Variants in GPC6 observed in about 807,000 individuals in gnomAD.
GPC6 encodes glypican-6.
In GPC6, 14 loss-of-function variants were observed where a neutral mutation model predicts 55.2. The observed-to-expected ratio is 0.25, with a 90% confidence interval of 0.17 to 0.40. GPC6 has a LOEUF of 0.40. GPC6 is among the 10% of genes least tolerant of loss of function. The pLI is 1.00. For missense variants in GPC6, 641 were observed against 708.5 expected, an observed-to-expected ratio of 0.90 and a Z score of 1.08; for synonymous variants, 278 against 259.6, an observed-to-expected ratio of 1.07 and a Z score of -0.68.
intron 3 of GPC6, among the ~76,000 whole-genome samples, chr13:93,886,761 T>G (rs12869679): frequency 0.085 from 9,876 of 116,354 alleles, 348 homozygotes; most frequent in African/African-American, 0.1. Flanking sequence ...TTTTTTTTTG[T>G]TTTTTTTTTT....
chr13:94,352,711 A>G (rs747551812), intron 6 of GPC6, among the ~76,000 whole-genome samples: 6 of 152,152 alleles, frequency 3.9e-5, no homozygotes, highest in Non-Finnish European at 7.3e-5. Flanking sequence ...TGTCACCTGT[A>G]TATCAAGTAC....
chr13:93,735,330 C>A (rs183852332), intron 2 of GPC6, among the ~76,000 whole-genome samples: 7 of 151,912 alleles, frequency 4.6e-5, no homozygotes, highest in Non-Finnish European at 1.0e-4. Context: ...GTCAGGAGTT[C>A]GAGACCAGCC....
At chr13:93,776,601 A>G (rs1885477766) in intron 2 of GPC6, among the ~76,000 whole-genome samples, 1 of 152,150 alleles carries the variant, frequency 6.6e-6, no homozygotes, top group Admixed American at 6.6e-5. Flanking sequence ...TCAGAAAAAA[A>G]AAGAAAGAAA....
intron 6 of GPC6, among the ~76,000 whole-genome samples, chr13:94,313,678 AC>A (rs1389385352): frequency 6.6e-6 from 1 of 152,206 alleles, no homozygotes; most frequent in Non-Finnish European, 1.5e-5. Flanking sequence ...TGGAAGGGGA[AC>A]AATTTTGCAC....
intron 1 of GPC6, among the ~76,000 whole-genome samples, chr13:93,316,196 TGAACCTTGCTCTTTGA>T (rs908082285): frequency 6.6e-6 from 1 of 152,136 alleles, no homozygotes; most frequent in Non-Finnish European, 1.5e-5. Context: ...CTTCATTTGA[TGAACCTTGCTCTTTGA>T]GTGGAGAACT....
At chr13:93,612,673 A>T (rs1213132853) in intron 2 of GPC6, among the ~76,000 whole-genome samples, 1 of 152,208 alleles carries the variant, frequency 6.6e-6, no homozygotes, top group African/African-American at 2.4e-5. Flanking sequence ...GTAAATTAGG[A>T]AGTGCAAAAC....
chr13:93,475,871 T>C (rs1381841999), intron 1 of GPC6, among the ~76,000 whole-genome samples: 1 of 152,162 alleles, frequency 6.6e-6, no homozygotes, highest in Non-Finnish European at 1.5e-5. Context: ...AGAAAAAACA[T>C]TTGAACAAGC....
At chr13:93,289,942 T>C (rs1878264323) in intron 1 of GPC6, among the ~76,000 whole-genome samples, 1 of 152,182 alleles carries the variant, frequency 6.6e-6, no homozygotes, top group Non-Finnish European at 1.5e-5. Context: ...GCACATGGAC[T>C]CACAGAGTAA....
intron 4 of GPC6, among the ~76,000 whole-genome samples, chr13:94,201,193 G>A (rs950504509): frequency 4.6e-5 from 7 of 152,122 alleles, no homozygotes; most frequent in African/African-American, 1.2e-4. Flanking sequence ...CCTCTCACAG[G>A]GACAGAGATA....
At position 93,227,686 on chromosome 13, in the gene GPC6, G is replaced by C; in HGVS notation, c.160+70G>C. 3 of 1,261,672 alleles carry C rather than the reference G, an allele frequency of 2.4e-6. No individual in the cohort carries two copies. The highest frequency in any genetic ancestry group is 3.3e-6 in the Non-Finnish European group (3 of 903,426). 78.2% of individuals were successfully genotyped at this position (1,261,672 alleles called of 1,614,324 possible). A position where few individuals can be genotyped will look rare whatever the true frequency, so the allele number is the denominator to read the frequency against. The stretch of plus-strand genomic sequence containing the variant: ...CCGCACGTCCCACTGGCCGCCCGGC[G>C]TCCCCTTCCTTCCCCCTGTTGCTGA... On this transcript the variant is annotated intron_variant, in intron 1 of 8. Transcript: ENST00000377047. This position sits in a 1 kb window ranked among gnomAD's most constrained non-coding sequence, Gnocchi z 4.3.
intron 3 of GPC6, 50 bp downstream of exon 3, chr13:93,830,595 T>C: frequency 3.5e-6 from 5 of 1,421,238 alleles, no homozygotes; most frequent in Non-Finnish European, 4.8e-6. Flanking sequence ...GTTTATTCTG[T>C]TTTTAAAACC....
intron 1 of GPC6, among the ~76,000 whole-genome samples, chr13:93,508,136 G>A (rs1033342454): frequency 1.3e-5 from 2 of 152,162 alleles, no homozygotes; most frequent in African/African-American, 2.4e-5. Context: ...ACTAAGCAGG[G>A]TAAAGGGATA....
chr13:93,852,542 G>C (rs1040237572), intron 3 of GPC6, among the ~76,000 whole-genome samples: 5 of 151,636 alleles, frequency 3.3e-5, no homozygotes, highest in African/African-American at 1.2e-4. Context: ...AATACTACCA[G>C]CTTTTCCTAA....
intron 2 of GPC6, among the ~76,000 whole-genome samples, chr13:93,667,399 A>G (rs1405659038): frequency 6.6e-6 from 1 of 151,980 alleles, no homozygotes; most frequent in East Asian, 1.9e-4. Flanking sequence ...GCCTAATTAT[A>G]TAAAGGGTGG....
intron 1 of GPC6, among the ~76,000 whole-genome samples, chr13:93,285,321 A>G (rs1878073246): frequency 6.6e-6 from 1 of 152,186 alleles, no homozygotes; most frequent in African/African-American, 2.4e-5. Context: ...AGTTATATAA[A>G]GATTAAAAAG....
intron 1 of GPC6, among the ~76,000 whole-genome samples, chr13:93,542,029 T>G (rs988486319): frequency 3.9e-5 from 6 of 152,340 alleles, no homozygotes; most frequent in Non-Finnish European, 7.4e-5. Flanking sequence ...TTAGTTTAAT[T>G]AGATCCCATT....
chr13:94,355,568 G>A (rs376420687), intron 6 of GPC6, among the ~76,000 whole-genome samples: 45 of 152,274 alleles, frequency 3.0e-4, no homozygotes, highest in African/African-American at 9.4e-4. Flanking sequence ...GAAAATGAAT[G>A]AGGAAATGAA....
chr13:93,938,585 A>G (rs564102488), intron 3 of GPC6, among the ~76,000 whole-genome samples: 21 of 152,216 alleles, frequency 1.4e-4, no homozygotes, highest in Non-Finnish European at 2.6e-4. Context: ...GACACAAATA[A>G]AAGAGAGAAA....
intron 2 of GPC6, among the ~76,000 whole-genome samples, chr13:93,596,645 TG>T (rs1392913315): frequency 2.7e-5 from 4 of 147,846 alleles, no homozygotes; most frequent in African/African-American, 9.8e-5. Flanking sequence ...AATGTATATG[TG>T]TGTATATGCA....
Sources: gnomAD v4.1 joint callset for allele counts (sites outside exome capture counted in the v4.1 genomes callset) on GRCh38, gnomAD v4.1.1 for gene constraint, Gnocchi (gnomAD v3.1) non-coding constraint, MANE v1.5 for transcripts, NCBI Gene and HGNC (gene_info 2026-07-23, HGNC 2026-07-21) for gene names.